The following ZNF490 variants were observed in gnomAD, a reference collection of about 807,000 sequenced individuals.
ZNF490 encodes zinc finger protein 490.
Under a neutral mutation model 17.7 loss-of-function variants are expected in ZNF490, and 11 were observed. The ratio of observed to expected loss-of-function variants is 0.62; its 90% CI spans 0.39 to 1.03. The LOEUF (loss-of-function observed/expected upper bound fraction) is 1.03. Ranked by LOEUF, ZNF490 falls within the 50% of genes least tolerant of loss-of-function variation. The pLI, the probability that ZNF490 is intolerant of heterozygous loss-of-function variation, is 0.00. For synonymous variants in ZNF490, 222 were observed against 216.1 expected, an observed-to-expected ratio of 1.03 and a Z score of -0.24; for missense variants, 542 against 643.4, an observed-to-expected ratio of 0.84 and a Z score of 1.71.
rs994328969 is a variant in ZNF490, at chr19:12,580,248, C to T, written c.*237G>A. On this transcript the variant is annotated 3_prime_UTR_variant, in exon 5 of 5. Coordinates refer to ENST00000311437, the MANE Select transcript of ZNF490 (RefSeq NM_020714.3). ...AAGGCTTTCCTACACTCCATACATT[C>T]GTAGCTTTTCTGTCCATGGAGTCCA... 4.5e-5 allele frequency: 58 copies of T among 1,284,638 alleles called. No homozygotes were observed. Among genetic ancestry groups the T allele is most frequent in the Middle Eastern group, 3.0e-4 (1 of 3,366 alleles). The allele number at this position is 1,284,638 out of a possible 1,614,324, so 79.6% of individuals were successfully genotyped here.
chr19:12,595,569 C>T (rs1017930693), intron 2 of ZNF490, among the ~76,000 whole-genome samples: 1 of 151,878 alleles, frequency 6.6e-6, no homozygotes, highest in African/African-American at 2.4e-5. Flanking sequence ...GGTTATCTTC[C>T]TACCTTAATA....
intron 2 of ZNF490, among the ~76,000 whole-genome samples, chr19:12,607,901 G>A (rs1445472540): frequency 2.6e-5 from 4 of 152,162 alleles, no homozygotes; most frequent in Non-Finnish European, 4.4e-5. Flanking sequence ...TGAACTTAAG[G>A]ATTGGCTTAT....
rs977114346 is a variant in ZNF490 at position 12,580,635 on chromosome 19, G to A, written c.1440C>T (p.Gly480=). 1 of 1,614,010 alleles carries A rather than the reference G, an allele frequency of 6.2e-7. No individual in the cohort carries two copies. Among genetic ancestry groups the A allele is most frequent in the African/African-American group, 1.3e-5 (1 of 74,886 alleles). ...GVKPCECKQC[G]KAFTCLNSLK... is the part of the protein sequence containing the mutation. ...GGGAATTTAAACAAGTGAAAGCTTTGCCACACTGCTTACACTCACATGGTT... is the reference window on the plus strand; with the variant it reads ...GGGAATTTAAACAAGTGAAAGCTTTACCACACTGCTTACACTCACATGGTT... Residue 480 remains glycine (G), a synonymous_variant, in exon 5 of 5, where the codon GGC becomes GGT. Coordinates refer to ENST00000311437, the MANE Select transcript of ZNF490 (RefSeq NM_020714.3).
At chr19:12,594,465 CAA>C (rs112237787) in intron 2 of ZNF490, among the ~76,000 whole-genome samples, 15 of 106,200 alleles carry the variant, frequency 1.4e-4, no homozygotes, top group South Asian at 2.9e-4. Flanking sequence ...GACTCCATCT[CAA>C]AAAAAAAAAA....
In ZNF490 at chr19:12,580,909, G is replaced by A; in HGVS notation, c.1166C>T (p.Pro389Leu). 2 of 1,614,172 alleles carry A rather than the reference G, an allele frequency of 1.2e-6. No homozygotes were observed. Among genetic ancestry groups the A allele is most frequent in the Non-Finnish European group, 1.7e-6 (2 of 1,180,034 alleles). The change falls in exon 5 of 5, where the codon CCC becomes CTC. Residue 389 changes from proline to leucine, a missense_variant. Pro to Leu is a moderately conservative substitution (Grantham distance 98). Transcript: ENST00000311437. ...VHERTHFGEKPYECKQCGKAF... is the reference protein window; with the variant it reads ...VHERTHFGEKLYECKQCGKAF... ...TTTACCACATTGTTTACATTCATAG[G>A]GTTTTTCTCCAAAATGAGTTCTTTC...
At chr19:12,601,560 T>C (rs1167366513) in intron 2 of ZNF490, among the ~76,000 whole-genome samples, 4 of 152,114 alleles carry the variant, frequency 2.6e-5, no homozygotes, top group Non-Finnish European at 5.9e-5. Flanking sequence ...GGCTAATTTT[T>C]TTTTATAAGA....
intron 2 of ZNF490, among the ~76,000 whole-genome samples, chr19:12,591,764 A>G (rs974343243): frequency 3.3e-5 from 5 of 152,066 alleles, no homozygotes; most frequent in Non-Finnish European, 4.4e-5. Context: ...ATGGAGAACA[A>G]TAAGTATCAT....
At chr19:12,589,363 AATAG>A (rs750883685) in intron 2 of ZNF490, among the ~76,000 whole-genome samples, 3 of 152,224 alleles carry the variant, frequency 2.0e-5, no homozygotes, top group Non-Finnish European at 4.4e-5. Flanking sequence ...TCTCAAAAAA[AATAG>A]ATAGAGAAAA....
Position 12,580,455 on chromosome 19 carries a change from C to A in ZNF490, c.*30G>T. 3 of 1,545,556 alleles carry A rather than the reference C, an allele frequency of 1.9e-6. No individual in the cohort carries two copies. The highest frequency in any genetic ancestry group is 2.6e-6 in the Non-Finnish European group (3 of 1,148,816). ...CTCATACATCCAAAAGGAACTAATA[C>A]AACTGACAGCATTACCACACTTTAC... On this transcript the variant is annotated 3_prime_UTR_variant, in exon 5 of 5. Coordinates refer to ENST00000311437, the MANE Select transcript of ZNF490 (RefSeq NM_020714.3).
intron 2 of ZNF490, among the ~76,000 whole-genome samples, chr19:12,606,726 G>T (rs2023072522): frequency 6.6e-6 from 1 of 152,016 alleles, no homozygotes; most frequent in Admixed American, 6.6e-5. Flanking sequence ...ATCACTGGAA[G>T]ATTTTTATTT....
intron 2 of ZNF490, among the ~76,000 whole-genome samples, chr19:12,604,328 C>G (rs1474716895): frequency 6.6e-6 from 1 of 151,970 alleles, no homozygotes; most frequent in Non-Finnish European, 1.5e-5. Context: ...CCAGCTTGAC[C>G]AACATGATGA....
rs1334359659 is a variant in ZNF490 at position 12,610,776 on chromosome 19, C to A, written c.-96G>T. The stretch of plus-strand genomic sequence containing the variant: ...CTTCAACACAATTGTCCACGGAGGG[C>A]ACCAGTTCCGTCCCACCGGCGGAAG... On this transcript the variant is annotated 5_prime_UTR_variant, in exon 1 of 5. Transcript: ENST00000311437. The A allele has an allele frequency of 2.3e-6, 3 of 1,276,774 alleles. No individual in the cohort carries two copies. Among genetic ancestry groups the A allele is most frequent in the East Asian group, 2.3e-5 (1 of 43,202 alleles). The allele number at this position is 1,276,774 out of a possible 1,614,324, so 79.1% of individuals were successfully genotyped here. A position where few individuals can be genotyped will look rare whatever the true frequency, so the allele number is the denominator to read the frequency against.
rs965628821 is a variant in ZNF490, at chr19:12,579,048, T to C, written c.*1437A>G. 2 of 505,274 alleles carry C rather than the reference T, an allele frequency of 4.0e-6. No homozygotes were observed. The highest frequency in any genetic ancestry group is 5.1e-6 in the Non-Finnish European group (2 of 395,702). The allele number at this position is 505,274 out of a possible 1,614,324, so 31.3% of individuals were successfully genotyped here. On this transcript the variant is annotated 3_prime_UTR_variant, in exon 5 of 5. Transcript: ENST00000311437. ...GAGGGCGGATCACGAGGTCAGGAGA[T>C]CAAGACTATCCTGGCTAACACGGTG...
intron 2 of ZNF490, among the ~76,000 whole-genome samples, chr19:12,602,644 G>A (rs573406690): frequency 6.7e-6 from 1 of 148,388 alleles, no homozygotes; most frequent in Non-Finnish European, 1.5e-5. Flanking sequence ...TTTTTGTCGA[G>A]ACAAGGTTTC....
In ZNF490 at chr19:12,588,090, A is replaced by C. The variant is rs192096580; in HGVS notation, c.163-4534T>G. Among the ~76,000 whole-genome samples, 19 of 35,524 alleles carry C rather than the reference A, an allele frequency of 5.3e-4. 9 individuals carry two copies. Among genetic ancestry groups the C allele is most frequent in the Non-Finnish European group, 1.7e-3 (15 of 8,740 alleles). The allele number at this position is 35,524 out of a possible 152,430, so 23.3% of individuals were successfully genotyped here. Reference sequence around the variant, plus strand: ...TCACCATGTTGGCCAGGCTGGTCTCAAACTCCTGACCTCAGGCGATCCGCC... The same window carrying C: ...TCACCATGTTGGCCAGGCTGGTCTCCAACTCCTGACCTCAGGCGATCCGCC... On this transcript the variant is annotated intron_variant, in intron 2 of 4. Coordinates refer to ENST00000311437, the MANE Select transcript of ZNF490 (RefSeq NM_020714.3).
At chr19:12,598,299 C>A (rs1359763263) in intron 2 of ZNF490, among the ~76,000 whole-genome samples, 1 of 152,146 alleles carries the variant, frequency 6.6e-6, no homozygotes, top group South Asian at 2.1e-4. Flanking sequence ...GTGGTTTAGA[C>A]ACTTAGAAAT....
At chr19:12,610,205 C>T (rs1205382448) in intron 1 of ZNF490, among the ~76,000 whole-genome samples, 3 of 30,302 alleles carry the variant, frequency 9.9e-5, no homozygotes, top group African/African-American at 7.2e-4. Flanking sequence ...TTCTTTCTTT[C>T]CTTTTTTTTT....
At chr19:12,598,954 T>G (rs1008728370) in intron 2 of ZNF490, among the ~76,000 whole-genome samples, 11 of 148,230 alleles carry the variant, frequency 7.4e-5, no homozygotes, top group Admixed American at 5.4e-4. Flanking sequence ...ATCACTGCAC[T>G]CCAGCCTGGG....
chr19:12,590,071 C>T (rs1456680116), intron 2 of ZNF490, among the ~76,000 whole-genome samples: 14 of 151,274 alleles, frequency 9.3e-5, no homozygotes, highest in African/African-American at 2.9e-4. Context: ...TGTGCCACCA[C>T]GCCCCGCTAA....
Sources: allele counts gnomAD v4.1 joint callset (sites outside exome capture counted in the v4.1 genomes callset), GRCh38; gene constraint gnomAD v4.1.1; transcripts MANE v1.5; gene names NCBI Gene and HGNC (gene_info 2026-07-23, HGNC 2026-07-21).